HEATR4: variants seen among roughly 807,000 people sequenced by gnomAD.
The protein encoded by HEATR4 is HEAT repeat containing 4, also known as HEAT repeat-containing protein 4.
A neutral mutation model predicts 108.8 loss-of-function variants in HEATR4; 95 were observed. The observed-to-expected ratio is 0.87, with a 90% CI of 0.74 to 1.04. HEATR4 has a LOEUF of 1.04. HEATR4 is among the 50% of genes least tolerant of loss of function. HEATR4 has a pLI of 0.00. For missense variants in HEATR4, 1,152 were observed against 1,253.8 expected (o/e 0.92, Z 1.23); for synonymous variants, 443 against 459.4 (o/e 0.96, Z 0.46).
the HEATR4 span, among the ~76,000 whole-genome samples, chr14:73,597,070 T>TTTTATTTA: frequency 4.6e-3 from 683 of 148,902 alleles, 6 homozygotes; most frequent in East Asian, 0.017. Flanking sequence ...GGTAATTTTA[T>TTTTATTTA]TTTATTTATT....
the HEATR4 span, among the ~76,000 whole-genome samples, chr14:73,605,693 C>T: frequency 6.6e-6 from 1 of 150,886 alleles, no homozygotes; most frequent in South Asian, 2.1e-4. Flanking sequence ...ACCTCAGCCT[C>T]CCAAGTAGCT....
At chr14:73,617,039 C>T in the HEATR4 span, 3 of 1,003,984 alleles carry the variant, frequency 3.0e-6, no homozygotes, top group Non-Finnish European at 4.7e-6. Context: ...GCAGCAGGGG[C>T]CTTTGTGAAT....
rs111562922 is a variant in HEATR4, at chr14:73,502,962, C to G, written c.2038G>C (p.Val680Leu). ...QLMWNDWNKEVRRAAAQALGQ... is the reference protein window; with the variant it reads ...QLMWNDWNKELRRAAAQALGQ... Reference sequence around the variant, plus strand: ...AGCGCCTGTGCAGCTGCTCTCCTCACTTCCTTATTCCAGTCATTCCACATC... The same window carrying G: ...AGCGCCTGTGCAGCTGCTCTCCTCAGTTCCTTATTCCAGTCATTCCACATC... Residue 680 changes from valine (V) to leucine (L), a missense_variant, in exon 11 of 18, where the codon GTG becomes CTG. By Grantham distance (32) the Val-to-Leu change is conservative. Coordinates refer to ENST00000553558, the MANE Select transcript of HEATR4 (RefSeq NM_001220484.1). The G allele has an allele frequency of 3.1e-6, 5 of 1,614,140 alleles. No individual in the cohort carries two copies. The African/African-American group carries it at 6.7e-5, about 22-fold the overall frequency.
At chr14:73,528,217 A>AAGCC (rs1595143492) in intron 2 of HEATR4, among the ~76,000 whole-genome samples, 1 of 152,100 alleles carries the variant, frequency 6.6e-6, no homozygotes, top group East Asian at 1.9e-4. Context: ...CAACATGGCG[A>AAGCC]AGCCCCATCT....
At chr14:73,551,399 G>C (rs1889321431) in intron 1 of HEATR4, among the ~76,000 whole-genome samples, 1 of 114,908 alleles carries the variant, frequency 8.7e-6, no homozygotes, top group Non-Finnish European at 1.9e-5. Flanking sequence ...ATTCGCAGTT[G>C]GTGCCAGAGG....
At chr14:73,508,373 A>G in intron 8 of HEATR4, 79 bp from the exon 9 acceptor site, 1 of 1,264,434 alleles carries the variant, frequency 7.9e-7, no homozygotes, top group South Asian at 1.3e-5. Flanking sequence ...TTGATACCCA[A>G]GGCTGCTACC....
the HEATR4 span, among the ~76,000 whole-genome samples, chr14:73,589,849 G>A: frequency 2.6e-5 from 4 of 152,040 alleles, no homozygotes; most frequent in African/African-American, 9.7e-5. Flanking sequence ...CTTCTGGTGG[G>A]TTCGTGGTCT....
chr14:73,602,570 G>A, the HEATR4 span, among the ~76,000 whole-genome samples: 1 of 152,166 alleles, frequency 6.6e-6, no homozygotes, highest in African/African-American at 2.4e-5. Flanking sequence ...GAGGCAAGTT[G>A]CCTCCTGACT....
intron 1 of HEATR4, among the ~76,000 whole-genome samples, chr14:73,535,787 T>C (rs1357664710): frequency 1.1e-4 from 13 of 114,874 alleles, no homozygotes; most frequent in African/African-American, 3.7e-4. Flanking sequence ...CCCCTTTTTC[T>C]TGTTAGAGAC....
At chr14:73,521,144 C>G (rs2140296201) in intron 3 of HEATR4, 105 bp from the exon 4 acceptor site, 1 of 967,440 alleles carries the variant, frequency 1.0e-6, no homozygotes, top group Non-Finnish European at 1.6e-6. Context: ...AGCTCAGCTC[C>G]TATACACGTG....
At chr14:73,500,156 G>A (rs1886352618) in intron 12 of HEATR4, among the ~76,000 whole-genome samples, 1 of 152,158 alleles carries the variant, frequency 6.6e-6, no homozygotes, top group African/African-American at 2.4e-5. Context: ...CGTGAACCTG[G>A]GAGGCGGAGC....
chr14:73,501,569 CTTTT>C lies in HEATR4; in HGVS notation c.2106-843_2106-840del, dbSNP rs1204245183. On this transcript the variant is annotated intron_variant, in intron 11 of 17. Transcript: ENST00000553558. ...TGCGGCTCCTATGCAGTCTCTCTCTCTTTTTTTTTTTTTTTTTTTTTTGAGATAG... is the reference window on the plus strand; with the variant it reads ...TGCGGCTCCTATGCAGTCTCTCTCTCTTTTTTTTTTTTTTTTTTGAGATAG... Among the ~76,000 whole-genome samples, 229 of 108,156 alleles carry C rather than the reference CTTTT, an allele frequency of 2.1e-3. 2 individuals are homozygous for C. Among genetic ancestry groups the C allele is most frequent in the African/African-American group, 7.8e-3 (222 of 28,416 alleles). 71.0% of individuals were successfully genotyped at this position (108,156 alleles called of 152,430 possible). A position where few individuals can be genotyped will look rare whatever the true frequency, so the allele number is the denominator to read the frequency against.
chr14:73,575,917 T>C, the HEATR4 span, among the ~76,000 whole-genome samples: 8 of 151,626 alleles, frequency 5.3e-5, no homozygotes, highest in East Asian at 1.9e-4. Context: ...TTTGGGAGGC[T>C]GAGGTGGGCG....
chr14:73,595,698 T>G, the HEATR4 span: 1 of 1,504,500 alleles, frequency 6.6e-7, no homozygotes, highest in Non-Finnish European at 8.9e-7. Context: ...GATCAGATTC[T>G]AGTGTTCAGT....
chr14:73,565,802 A>G, the HEATR4 span, among the ~76,000 whole-genome samples: 1 of 152,046 alleles, frequency 6.6e-6, no homozygotes, highest in Non-Finnish European at 1.5e-5. Flanking sequence ...GTGGACGCAA[A>G]GAGTGAGCAG....
At chr14:73,579,122 G>A in the HEATR4 span, among the ~76,000 whole-genome samples, 1 of 150,812 alleles carries the variant, frequency 6.6e-6, no homozygotes, top group Non-Finnish European at 1.5e-5. Context: ...CAGGTATGGT[G>A]GCATGCGCCT....
chr14:73,595,533 T>G, the HEATR4 span: 1 of 1,610,934 alleles, frequency 6.2e-7, no homozygotes, highest in East Asian at 2.2e-5. Context: ...AACAAACATG[T>G]TATATGGGGT....
chr14:73,500,582 C>T lies in HEATR4; in HGVS notation c.2254G>A (p.Ala752Thr), dbSNP rs778213775. Residue 752 changes from alanine (A) to threonine (T), a missense_variant, in exon 12 of 18, where the codon GCA (alanine) becomes ACA (threonine). Ala to Thr is a moderately conservative substitution (Grantham distance 58). Transcript: ENST00000553558. Reference protein sequence around the residue: ...FTAVRRAACLAAGALQIRDKM... With the variant: ...FTAVRRAACLTAGALQIRDKM... ...TCGCGGATCTGCAGGGCACCAGCTG[C>T]CAAACAGGCTGCCCGCCGAACTGCT... 2 of 1,613,712 alleles carry T rather than the reference C, an allele frequency of 1.2e-6. No individual in the cohort carries two copies. The highest frequency in any genetic ancestry group is 1.7e-6 in the Non-Finnish European group (2 of 1,179,942).
At chr14:73,558,012 C>G (rs1460062485) in intron 1 of HEATR4, among the ~76,000 whole-genome samples, 1 of 92,240 alleles carries the variant, frequency 1.1e-5, no homozygotes, top group African/African-American at 4.0e-5. Flanking sequence ...ACATCAGACT[C>G]TTGTGTCCTA....
Sources: allele counts gnomAD v4.1 joint callset (sites outside exome capture counted in the v4.1 genomes callset), GRCh38; gene constraint gnomAD v4.1.1; transcripts MANE v1.5; gene names NCBI Gene and HGNC (gene_info 2026-07-23, HGNC 2026-07-21).